Variants in RBMS1 observed in about 807,000 individuals in gnomAD.
The protein encoded by RBMS1 is RNA binding motif single stranded interacting protein 1.
In RBMS1, 17 loss-of-function variants were observed where a neutral mutation model predicts 62.3. That is an observed-to-expected ratio of 0.27 (90% confidence interval 0.19 to 0.41). The LOEUF (loss-of-function observed/expected upper bound fraction) is 0.41. Among genes scored for constraint, RBMS1 ranks in the 10% least tolerant of loss-of-function variants. The pLI, the probability that RBMS1 is intolerant of heterozygous loss-of-function variation, is 1.00. For synonymous variants in RBMS1, 172 were observed against 170.0 expected, an observed-to-expected ratio of 1.01 and a Z score of -0.09; for missense variants, 334 against 504.5, an observed-to-expected ratio of 0.66 and a Z score of 3.24.
At chr2:160,386,537 T>A (rs1694587398) in intron 1 of RBMS1, among the ~76,000 whole-genome samples, 1 of 62,982 alleles carries the variant, frequency 1.6e-5, no homozygotes, top group Non-Finnish European at 3.6e-5. Context: ...TGAGACTCCA[T>A]CTCAAAAAAA....
At chr2:160,396,197 A>T (rs1440961201) in intron 1 of RBMS1, among the ~76,000 whole-genome samples, 2 of 152,186 alleles carry the variant, frequency 1.3e-5, no homozygotes, top group African/African-American at 2.4e-5. Context: ...TGATAGTGAA[A>T]TTTTTTTAAA....
rs2105925190 is a variant in RBMS1 at position 160,273,377 on chromosome 2, G to A, written c.*1395C>T. On this transcript the variant is annotated 3_prime_UTR_variant, in exon 14 of 14. Transcript: ENST00000348849. ...ATTCTCCTAACCGCAAACTGGTCCG[G>A]CAAAAATAAAGAGCACAGAAGATGT... 1 of 152,246 alleles carries A rather than the reference G, an allele frequency of 6.6e-6. No homozygotes were observed. Among genetic ancestry groups the A allele is most frequent in the East Asian group, 1.9e-4 (1 of 5,192 alleles). The allele number at this position is 152,246 out of a possible 1,614,324, so 9.4% of individuals were successfully genotyped here. A position where few individuals can be genotyped will look rare whatever the true frequency, so the allele number is the denominator to read the frequency against.
intron 1 of RBMS1, among the ~76,000 whole-genome samples, chr2:160,397,420 G>A (rs1231677968): frequency 6.6e-6 from 1 of 151,920 alleles, no homozygotes. Flanking sequence ...GACTTCTGAG[G>A]AGCCCTTTCC....
intron 2 of RBMS1, among the ~76,000 whole-genome samples, chr2:160,354,837 A>G (rs80341813): frequency 0.011 from 1,656 of 152,272 alleles, 39 homozygotes; most frequent in African/African-American, 0.036. Flanking sequence ...GGCATGGCCA[A>G]GTTAGTAAGC....
intron 1 of RBMS1, among the ~76,000 whole-genome samples, chr2:160,434,153 C>A (rs1269460173): frequency 6.6e-6 from 1 of 152,058 alleles, no homozygotes; most frequent in Non-Finnish European, 1.5e-5. Flanking sequence ...AGTAAAGGAG[C>A]TTGTTATAAA....
At chr2:160,349,987 C>G (rs1019545681) in intron 2 of RBMS1, among the ~76,000 whole-genome samples, 1 of 151,814 alleles carries the variant, frequency 6.6e-6, no homozygotes, top group Non-Finnish European at 1.5e-5. Flanking sequence ...AGGGGAGGAG[C>G]AGTGCAGGCA....
At chr2:160,297,765 C>T (rs1689012420) in intron 6 of RBMS1, among the ~76,000 whole-genome samples, 1 of 152,108 alleles carries the variant, frequency 6.6e-6, no homozygotes, top group African/African-American at 2.4e-5. Flanking sequence ...GAGAGAAAGC[C>T]AAGAAAAATG....
In RBMS1 at chr2:160,343,065, C is replaced by A. The variant is rs542333607; in HGVS notation, c.251+24151G>T. Among the ~76,000 whole-genome samples, 7 of 152,224 alleles carry A rather than the reference C, an allele frequency of 4.6e-5. No individual in the cohort carries two copies. In the South Asian group the frequency reaches 1.5e-3, roughly 32 times the overall value. ...TTACTGATAAGACAAACTGAGATCC[C>A]AGGCAACACTTCCATTACAGACCAC... On this transcript the variant is annotated intron_variant, in intron 2 of 13. Transcript: ENST00000348849.
intron 2 of RBMS1, among the ~76,000 whole-genome samples, chr2:160,352,008 G>T (rs1022096995): frequency 6.6e-6 from 1 of 152,048 alleles, no homozygotes; most frequent in Non-Finnish European, 1.5e-5. Context: ...ATCAACCCAG[G>T]AGTAGTTTTT....
chr2:160,398,070 C>T (rs974756563), intron 1 of RBMS1, among the ~76,000 whole-genome samples: 5 of 152,156 alleles, frequency 3.3e-5, no homozygotes, highest in South Asian at 2.1e-4. Flanking sequence ...CCCAGAGCTC[C>T]GGTTCTCTAA....
At chr2:160,311,232 C>CTATATATATATATATATA (rs10530445) in intron 4 of RBMS1, among the ~76,000 whole-genome samples, 6 of 79,252 alleles carry the variant, frequency 7.6e-5, no homozygotes, top group Non-Finnish European at 7.5e-5. Flanking sequence ...ATCTATCTAT[C>CTATATATATATATATATA]TATATATATA....
chr2:160,312,864 C>T (rs987333544), intron 4 of RBMS1, among the ~76,000 whole-genome samples: 1 of 150,858 alleles, frequency 6.6e-6, no homozygotes, highest in Admixed American at 6.6e-5. Context: ...CTCACAAATA[C>T]CTGATTACCT....
At chr2:160,407,371 G>T (rs1358636031) in intron 1 of RBMS1, 1 of 985,556 alleles carries the variant, frequency 1.0e-6, no homozygotes, top group African/African-American at 1.7e-5. Flanking sequence ...CGCCCAGCCG[G>T]TCCCTCCGAG....
At chr2:160,317,923 T>C (rs1012805777) in intron 3 of RBMS1, among the ~76,000 whole-genome samples, 2 of 152,178 alleles carry the variant, frequency 1.3e-5, no homozygotes, top group African/African-American at 4.8e-5. Flanking sequence ...GTATTTTGCA[T>C]GTTAACTCTA....
chr2:160,299,570 A>G (rs1240236826), intron 6 of RBMS1, among the ~76,000 whole-genome samples: 1 of 152,236 alleles, frequency 6.6e-6, no homozygotes, highest in Non-Finnish European at 1.5e-5. Context: ...GAGCAAGGCA[A>G]TGACTGGCAG....
chr2:160,483,231 A>G (rs1267460706), intron 1 of RBMS1, among the ~76,000 whole-genome samples: 1 of 152,190 alleles, frequency 6.6e-6, no homozygotes, highest in Non-Finnish European at 1.5e-5. Flanking sequence ...TTTTAGGTAA[A>G]GAATAATTAG....
intron 7 of RBMS1, among the ~76,000 whole-genome samples, chr2:160,286,001 C>G (rs1390065173): frequency 6.6e-6 from 1 of 151,854 alleles, no homozygotes; most frequent in Non-Finnish European, 1.5e-5. Context: ...GTCCCAGCTA[C>G]TTGGGAGGCT....
chr2:160,403,120 A>G (rs1695521119), intron 1 of RBMS1, among the ~76,000 whole-genome samples: 1 of 152,228 alleles, frequency 6.6e-6, no homozygotes, highest in Admixed American at 6.5e-5. Context: ...GATGAATTGT[A>G]CAGTTTTCAA....
intron 1 of RBMS1, among the ~76,000 whole-genome samples, chr2:160,420,139 T>G (rs1040662850): frequency 2.6e-5 from 4 of 152,180 alleles, no homozygotes; most frequent in Admixed American, 1.3e-4. Context: ...TCTGGCCTCT[T>G]TGGCTGTATC....
Sources: allele counts gnomAD v4.1 joint callset (sites outside exome capture counted in the v4.1 genomes callset), GRCh38; gene constraint gnomAD v4.1.1; transcripts MANE v1.5; gene names NCBI Gene and HGNC (gene_info 2026-07-23, HGNC 2026-07-21).